The following SLC30A8 variants were observed in gnomAD, a reference collection of about 807,000 sequenced individuals.
The protein encoded by SLC30A8 is solute carrier family 30 member 8.
In SLC30A8, 27 loss-of-function variants were observed where a neutral mutation model predicts 36.9. That is an observed-to-expected ratio of 0.73 (90% CI 0.54 to 1.01). SLC30A8 has a LOEUF of 1.01. Among genes scored for constraint, SLC30A8 ranks in the 50% least tolerant of loss-of-function variants. The probability of loss-of-function intolerance (pLI) is 0.00; values close to 1 mark genes in which losing one functional copy is unlikely to be tolerated. For synonymous variants in SLC30A8, 164 were observed against 172.4 expected (o/e 0.95, Z 0.38); for missense variants, 439 against 452.0 (o/e 0.97, Z 0.26).
intron 2 of SLC30A8, among the ~76,000 whole-genome samples, chr8:117,124,257 G>A (rs1820806266): frequency 6.6e-6 from 1 of 151,944 alleles, no homozygotes; most frequent in African/African-American, 2.4e-5. Context: ...GTAAAGGATT[G>A]TGCCATGCTT....
intron 2 of SLC30A8, among the ~76,000 whole-genome samples, chr8:117,062,447 A>G (rs1586458317): frequency 6.6e-6 from 1 of 152,318 alleles, no homozygotes; most frequent in South Asian, 2.1e-4. Flanking sequence ...GGAGCAAGAC[A>G]GAGAGCGGGG....
chr8:117,081,395 CAT>C (rs1240722320), intron 2 of SLC30A8, among the ~76,000 whole-genome samples: 4 of 152,228 alleles, frequency 2.6e-5, no homozygotes, highest in African/African-American at 9.6e-5. Context: ...TGTGTTCTCA[CAT>C]GACTTTTCTC....
At chr8:117,039,848 G>A (rs1462578176) in intron 2 of SLC30A8, among the ~76,000 whole-genome samples, 2 of 152,228 alleles carry the variant, frequency 1.3e-5, no homozygotes, top group African/African-American at 4.8e-5. Context: ...GCAGGACAGA[G>A]TTTCCAGTGC....
chr8:117,053,000 A>T (rs1233121018), intron 2 of SLC30A8, among the ~76,000 whole-genome samples: 2 of 151,096 alleles, frequency 1.3e-5, no homozygotes, highest in Admixed American at 1.3e-4. Flanking sequence ...TCCGCCTCCC[A>T]GGTTCAAACG....
At chr8:117,019,198 T>C (rs1301459751) in intron 1 of SLC30A8, among the ~76,000 whole-genome samples, 1 of 152,200 alleles carries the variant, frequency 6.6e-6, no homozygotes, top group Non-Finnish European at 1.5e-5. Flanking sequence ...CTCCATGTTA[T>C]ATCCTGAGTA....
intron 1 of SLC30A8, among the ~76,000 whole-genome samples, chr8:116,981,470 A>T (rs1206320656): frequency 6.6e-6 from 1 of 152,136 alleles, no homozygotes; most frequent in Non-Finnish European, 1.5e-5. Context: ...TATACAGGTA[A>T]ATTGCATGTC....
rs143123266 is a variant in SLC30A8, at chr8:117,001,181, TAGG to T, written c.-265-38035_-265-38033del. 5.9e-3 allele frequency among the ~76,000 whole-genome samples: 886 copies of T among 149,588 alleles called. 11 individuals carry two copies. The highest frequency in any genetic ancestry group is 0.021 in the African/African-American group (850 of 40,676). On this transcript the variant is annotated intron_variant, in intron 1 of 10. Coordinates refer to the SLC30A8 transcript ENST00000427715. The stretch of plus-strand genomic sequence containing the variant: ...GATGACCCAATTTGAACCAATAACG[TAGG>T]AGAAAATATTTGCTAGGGGCTTTTT...
chr8:117,087,508 A>G (rs926951660), intron 2 of SLC30A8, among the ~76,000 whole-genome samples: 27 of 152,046 alleles, frequency 1.8e-4, no homozygotes, highest in African/African-American at 6.0e-4. Flanking sequence ...GTATGATATC[A>G]TACTACCTTT....
chr8:117,077,920 A>G (rs189742373), intron 2 of SLC30A8, among the ~76,000 whole-genome samples: 11 of 152,356 alleles, frequency 7.2e-5, no homozygotes, highest in Admixed American at 7.2e-4. Flanking sequence ...CTTTATTATC[A>G]ACTTCATCAT....
At chr8:117,049,014 G>A (rs1817633131) in intron 2 of SLC30A8, among the ~76,000 whole-genome samples, 1 of 152,190 alleles carries the variant, frequency 6.6e-6, no homozygotes, top group Admixed American at 6.5e-5. Flanking sequence ...GCTTTCTGAA[G>A]CATATATCTT....
At chr8:117,160,590 T>A (rs966197702) in intron 4 of SLC30A8, among the ~76,000 whole-genome samples, 10 of 152,210 alleles carry the variant, frequency 6.6e-5, no homozygotes, top group African/African-American at 1.9e-4. Flanking sequence ...TACACAAGTT[T>A]TTTTCCTCTC....
chr8:117,073,711 T>C (rs1818402768), intron 2 of SLC30A8, among the ~76,000 whole-genome samples: 1 of 152,210 alleles, frequency 6.6e-6, no homozygotes, highest in Non-Finnish European at 1.5e-5. Context: ...AAAATAAATA[T>C]CCTCTTACTT....
At chr8:117,115,715 G>A (rs901202878) in intron 2 of SLC30A8, among the ~76,000 whole-genome samples, 10 of 152,036 alleles carry the variant, frequency 6.6e-5, no homozygotes, top group African/African-American at 2.4e-4. Context: ...GAAGATGAGG[G>A]TGAAGGATTA....
intron 1 of SLC30A8, among the ~76,000 whole-genome samples, chr8:116,983,793 A>G (rs1815353214): frequency 6.6e-6 from 1 of 152,120 alleles, no homozygotes; most frequent in African/African-American, 2.4e-5. Flanking sequence ...ACAGTACAAT[A>G]TCAAAACCAG....
At chr8:116,990,656 G>A (rs528424111) in intron 1 of SLC30A8, among the ~76,000 whole-genome samples, 1 of 152,100 alleles carries the variant, frequency 6.6e-6, no homozygotes, top group Non-Finnish European at 1.5e-5. Flanking sequence ...AATGGAAAGA[G>A]AACATTTGTG....
intron 2 of SLC30A8, among the ~76,000 whole-genome samples, chr8:117,084,849 ACT>A (rs1450891268): frequency 6.6e-6 from 1 of 152,068 alleles, no homozygotes; most frequent in Non-Finnish European, 1.5e-5. Context: ...TGGAATTTTG[ACT>A]CTATTCCTTG....
At chr8:117,111,681 A>G (rs896434702) in intron 2 of SLC30A8, among the ~76,000 whole-genome samples, 2 of 152,172 alleles carry the variant, frequency 1.3e-5, no homozygotes, top group East Asian at 3.9e-4. Flanking sequence ...CTGCAAAGCT[A>G]CTACAATATA....
intron 1 of SLC30A8, among the ~76,000 whole-genome samples, chr8:117,022,866 A>C (rs1482941071): frequency 1.3e-5 from 2 of 152,234 alleles, no homozygotes; most frequent in Non-Finnish European, 2.9e-5. Flanking sequence ...CAAAAGCCAA[A>C]ATTGACAAAT....
chr8:117,070,415 C>G (rs1818296788), intron 2 of SLC30A8, among the ~76,000 whole-genome samples: 2 of 152,166 alleles, frequency 1.3e-5, no homozygotes, highest in Non-Finnish European at 2.9e-5. Context: ...GCTAGACAAG[C>G]TTCCTTACTT....
Sources: gnomAD v4.1 joint callset for allele counts (sites outside exome capture counted in the v4.1 genomes callset) on GRCh38, gnomAD v4.1.1 for gene constraint, MANE v1.5 for transcripts, NCBI Gene and HGNC (gene_info 2026-07-23, HGNC 2026-07-21) for gene names.